The following SLC35F1 variants were observed in gnomAD, a reference collection of about 807,000 sequenced individuals.
The protein encoded by SLC35F1 is chromosome 6 open reading frame 169.
SLC35F1 carries 14 observed loss-of-function variants against 48.7 expected under a neutral mutation model. The observed-to-expected ratio is 0.29, with a 90% CI of 0.19 to 0.45. SLC35F1 has a LOEUF of 0.45. SLC35F1 is among the 20% of genes least tolerant of loss of function. The pLI, the probability that SLC35F1 is intolerant of heterozygous loss-of-function variation, is 1.00. For synonymous variants in SLC35F1, 190 were observed against 202.2 expected (o/e 0.94, Z 0.51); for missense variants, 404 against 500.0 (o/e 0.81, Z 1.83).
At chr6:118,114,663 A>T (rs1017721753) in intron 1 of SLC35F1, among the ~76,000 whole-genome samples, 3 of 152,206 alleles carry the variant, frequency 2.0e-5, no homozygotes, top group Non-Finnish European at 4.4e-5. Context: ...GGCGTGAGCT[A>T]CCGCGCCTGG....
chr6:118,059,040 G>A (rs1409472986), intron 1 of SLC35F1, among the ~76,000 whole-genome samples: 2 of 152,088 alleles, frequency 1.3e-5, no homozygotes, highest in African/African-American at 4.8e-5. Context: ...AGTTATTCAG[G>A]ATATGGAAAG....
At chr6:118,161,307 A>G (rs1327452763) in intron 2 of SLC35F1, among the ~76,000 whole-genome samples, 2 of 152,100 alleles carry the variant, frequency 1.3e-5, no homozygotes, top group Non-Finnish European at 2.9e-5. Context: ...CAGTCAAAAA[A>G]AAAAAAAGCA....
At chr6:117,980,714 T>C (rs1345503292) in intron 1 of SLC35F1, among the ~76,000 whole-genome samples, 1 of 152,180 alleles carries the variant, frequency 6.6e-6, no homozygotes, top group Non-Finnish European at 1.5e-5. Flanking sequence ...GAAATATTTA[T>C]AAAGTGTCAT....
At chr6:118,200,597 GA>G (rs1349097731) in intron 2 of SLC35F1, among the ~76,000 whole-genome samples, 1 of 152,136 alleles carries the variant, frequency 6.6e-6, no homozygotes, top group African/African-American at 2.4e-5. Context: ...ATATCTAAAG[GA>G]AAACAGCACC....
chr6:118,285,173 T>C lies in SLC35F1; in HGVS notation c.848-11T>C. 1 of 1,612,320 alleles carries C rather than the reference T, an allele frequency of 6.2e-7. No homozygotes were observed. The highest frequency in any genetic ancestry group is 8.5e-7 in the Non-Finnish European group (1 of 1,178,622). ...GGCCCTGACGCTGCCTTCTCTTTAC[T>C]CTTCCCCCAGGACTGCTCTACGTTG... On this transcript the variant is annotated splice_polypyrimidine_tract_variant and intron_variant, in intron 6 of 7. Transcript: ENST00000360388.
At chr6:117,994,079 A>G (rs1776954178) in intron 1 of SLC35F1, among the ~76,000 whole-genome samples, 1 of 152,066 alleles carries the variant, frequency 6.6e-6, no homozygotes, top group Admixed American at 6.6e-5. Flanking sequence ...AAGCTTGTTC[A>G]GCTTAATTCT....
At chr6:118,228,474 G>A (rs537441649) in intron 2 of SLC35F1, among the ~76,000 whole-genome samples, 32 of 152,156 alleles carry the variant, frequency 2.1e-4, no homozygotes, top group African/African-American at 6.5e-4. Flanking sequence ...AGGGAGAGGC[G>A]GGCAGATCAC....
intron 3 of SLC35F1, among the ~76,000 whole-genome samples, chr6:118,253,863 C>T (rs1006704215): frequency 6.6e-6 from 1 of 151,902 alleles, no homozygotes; most frequent in African/African-American, 2.4e-5. Flanking sequence ...GAGGCAGTAA[C>T]TGTAGATTGA....
chr6:118,097,006 A>T (rs1245514770), intron 1 of SLC35F1, among the ~76,000 whole-genome samples: 1 of 152,144 alleles, frequency 6.6e-6, no homozygotes, highest in African/African-American at 2.4e-5. Context: ...GGATCTCAGA[A>T]GTCTTTCACT....
chr6:117,931,097 C>T lies in SLC35F1; in HGVS notation c.173+23198C>T, dbSNP rs143688039. 5.3e-4 allele frequency among the ~76,000 whole-genome samples: 80 copies of T among 152,180 alleles called. 1 individual carries two copies. The highest frequency in any genetic ancestry group is 1.8e-3 in the African/African-American group (75 of 41,516). ...CGTGGTTAGTTTTCAGTAGACATTA[C>T]GTGTTATAATTATTGGTGTTGTTCA... On this transcript the variant is annotated intron_variant, in intron 1 of 7. Transcript: ENST00000360388.
intron 3 of SLC35F1, among the ~76,000 whole-genome samples, chr6:118,265,897 T>C (rs998255133): frequency 2.6e-5 from 4 of 152,214 alleles, no homozygotes; most frequent in African/African-American, 9.6e-5. Flanking sequence ...GACATCACTT[T>C]GTCTAAGAAA....
chr6:118,158,505 A>C (rs1222266927), intron 2 of SLC35F1, among the ~76,000 whole-genome samples: 3 of 152,216 alleles, frequency 2.0e-5, no homozygotes, highest in African/African-American at 2.4e-5. Context: ...ATCAGCATGA[A>C]GTTAGACTCA....
intron 1 of SLC35F1, among the ~76,000 whole-genome samples, chr6:117,938,451 C>A (rs767756246): frequency 2.6e-5 from 4 of 152,240 alleles, no homozygotes; most frequent in African/African-American, 4.8e-5. Flanking sequence ...TTGCCTCACA[C>A]ACCTCACAAG....
At chr6:118,182,141 G>A (rs1321481412) in intron 2 of SLC35F1, among the ~76,000 whole-genome samples, 1 of 151,576 alleles carries the variant, frequency 6.6e-6, no homozygotes, top group Non-Finnish European at 1.5e-5. Flanking sequence ...AAGAAATTTA[G>A]TCAAGTATAG....
intron 1 of SLC35F1, among the ~76,000 whole-genome samples, chr6:118,146,624 G>T (rs1052322165): frequency 6.6e-6 from 1 of 152,082 alleles, no homozygotes; most frequent in African/African-American, 2.4e-5. Context: ...AAATTTATTT[G>T]ACTACATGGT....
intron 1 of SLC35F1, among the ~76,000 whole-genome samples, chr6:118,106,160 C>T (rs1055850269): frequency 9.9e-5 from 15 of 152,116 alleles, no homozygotes; most frequent in African/African-American, 3.6e-4. Context: ...CTCCTCCTCA[C>T]CTCCTGGTAG....
At chr6:118,163,253 C>T (rs1011971633) in intron 2 of SLC35F1, among the ~76,000 whole-genome samples, 1 of 152,062 alleles carries the variant, frequency 6.6e-6, no homozygotes, top group African/African-American at 2.4e-5. Flanking sequence ...CCTGAGCCAC[C>T]GTGCCTGGCC....
At chr6:118,292,451 C>T (rs1024144567) in intron 7 of SLC35F1, among the ~76,000 whole-genome samples, 2 of 152,212 alleles carry the variant, frequency 1.3e-5, no homozygotes, top group African/African-American at 2.4e-5. Flanking sequence ...GCCTCAGCTT[C>T]TGTGCTGAGG....
At position 117,907,617 on chromosome 6, in the gene SLC35F1, C is replaced by T. The variant is rs567121242; in HGVS notation, c.-110C>T. ...CACCGCTTCGCAGGCAGCACCGCCT[C>T]CCGGGCCGCGGCCGCCCGGCCGGGT... On this transcript the variant is annotated 5_prime_UTR_variant, in exon 1 of 8. Transcript: ENST00000360388. 7.0e-6 allele frequency: 4 copies of T among 575,358 alleles called. No individual in the cohort carries two copies. Among genetic ancestry groups the T allele is most frequent in the South Asian group, 3.7e-5 (1 of 26,742 alleles). The allele number at this position is 575,358 out of a possible 1,614,324, so 35.6% of individuals were successfully genotyped here.
Sources: allele counts gnomAD v4.1 joint callset (sites outside exome capture counted in the v4.1 genomes callset), GRCh38; gene constraint gnomAD v4.1.1; transcripts MANE v1.5; gene names NCBI Gene and HGNC (gene_info 2026-07-23, HGNC 2026-07-21).